Variants in GRK4 observed in about 807,000 individuals in gnomAD.
The protein encoded by GRK4 is G protein-coupled receptor kinase 2-like.
A neutral mutation model predicts 77.9 loss-of-function variants in GRK4; 73 were observed. That is an observed-to-expected ratio of 0.94 (90% confidence interval 0.78 to 1.14). The LOEUF is 1.14. GRK4 is among the 50% of genes most tolerant of loss of function. GRK4 has a pLI of 0.00. For synonymous variants in GRK4, 257 were observed against 254.4 expected, an observed-to-expected ratio of 1.01 and a Z score of -0.10; for missense variants, 729 against 700.2, an observed-to-expected ratio of 1.04 and a Z score of -0.46.
At chr4:3,014,991 G>A (rs890271331) in intron 8 of GRK4, among the ~76,000 whole-genome samples, 2 of 152,184 alleles carry the variant, frequency 1.3e-5, no homozygotes, top group African/African-American at 4.8e-5. Flanking sequence ...TCTGCTTTCC[G>A]TCTTTTCCTT....
At chr4:3,028,120 C>T (rs559607520) in intron 11 of GRK4, 119 bp downstream of exon 11, 37 of 798,390 alleles carry the variant, frequency 4.6e-5, no homozygotes, top group Admixed American at 1.5e-4. Flanking sequence ...TAGTAGATGG[C>T]GCAGTGGTGT....
At chr4:3,011,361 G>A (rs1732865388) in intron 7 of GRK4, among the ~76,000 whole-genome samples, 1 of 152,126 alleles carries the variant, frequency 6.6e-6, no homozygotes, top group Admixed American at 6.5e-5. Flanking sequence ...TAGGCAGATC[G>A]CTTGAGCCCA....
chr4:2,964,206 C>T (rs1275716002), intron 1 of GRK4, 84 bp downstream of exon 1: 6 of 1,181,116 alleles, frequency 5.1e-6, no homozygotes, highest in Non-Finnish European at 7.3e-6. Context: ...AGGAACCCGA[C>T]ATCCCCGGAG....
intron 10 of GRK4, among the ~76,000 whole-genome samples, chr4:3,027,334 A>C (rs1205777799): frequency 1.3e-5 from 2 of 152,254 alleles, no homozygotes; most frequent in African/African-American, 4.8e-5. Flanking sequence ...GGTGTGAACC[A>C]CCGTGTCTGG....
intron 14 of GRK4, among the ~76,000 whole-genome samples, chr4:3,038,130 G>C (rs1741346309): frequency 6.6e-6 from 1 of 152,182 alleles, no homozygotes; most frequent in African/African-American, 2.4e-5. Context: ...TGGCAGCCAG[G>C]GTTCCCATGG....
At chr4:2,995,572 T>C (rs1727609000) in intron 4 of GRK4, among the ~76,000 whole-genome samples, 1 of 150,746 alleles carries the variant, frequency 6.6e-6, no homozygotes, top group Admixed American at 6.6e-5. Flanking sequence ...TCCCAGCTCC[T>C]TGGGAGGCTG....
intron 1 of GRK4, among the ~76,000 whole-genome samples, chr4:2,969,841 A>G (rs1368962063): frequency 1.3e-5 from 2 of 151,860 alleles, no homozygotes; most frequent in South Asian, 2.1e-4. Context: ...CCATGCACAG[A>G]TAATTTTGTG....
intron 1 of GRK4, chr4:2,966,485 G>A (rs1389009834): frequency 6.6e-6 from 1 of 152,116 alleles, no homozygotes; most frequent in Non-Finnish European, 1.5e-5. Flanking sequence ...GTGTGATTAT[G>A]AGGCCTGTCC....
At chr4:3,031,334 A>T (rs962767068) in intron 12 of GRK4, among the ~76,000 whole-genome samples, 3 of 152,080 alleles carry the variant, frequency 2.0e-5, no homozygotes, top group Non-Finnish European at 4.4e-5. Flanking sequence ...AGGTGTGAGG[A>T]AAGGGGAGGC....
intron 1 of GRK4, among the ~76,000 whole-genome samples, chr4:2,967,982 G>A (rs1718297300): frequency 6.6e-6 from 1 of 151,346 alleles, no homozygotes; most frequent in Non-Finnish European, 1.5e-5. Context: ...TAGAGACGGG[G>A]GTTTCTCCAT....
chr4:2,993,564 A>T (rs2515939), intron 4 of GRK4, among the ~76,000 whole-genome samples: 1 of 151,582 alleles, frequency 6.6e-6, no homozygotes, highest in Non-Finnish European at 1.5e-5. Context: ...ATCCCAGCTA[A>T]TAGGGAGGCT....
chr4:3,035,063 G>T (rs1740213069), intron 12 of GRK4, among the ~76,000 whole-genome samples: 1 of 151,936 alleles, frequency 6.6e-6, no homozygotes, highest in Admixed American at 6.6e-5. Flanking sequence ...GGAGACCACG[G>T]TGAAACCCCG....
intron 9 of GRK4, 106 bp downstream of exon 9, chr4:3,019,937 T>A: frequency 9.4e-7 from 1 of 1,066,482 alleles, no homozygotes. Context: ...GGCAGGAGAA[T>A]AGCTGGGAGG....
chr4:3,007,968 A>G (rs1312981140), intron 6 of GRK4, 140 bp downstream of exon 6: 1 of 541,618 alleles, frequency 1.8e-6, no homozygotes, highest in Non-Finnish European at 3.3e-6. Flanking sequence ...AAGCCTGTGA[A>G]TAGCCACTGC....
chr4:2,996,837 T>C (rs569794103), intron 4 of GRK4, among the ~76,000 whole-genome samples: 1 of 152,100 alleles, frequency 6.6e-6, no homozygotes, highest in East Asian at 1.9e-4. Flanking sequence ...TAAAAAGCAA[T>C]GATTCACGTC....
Position 3,009,665 on chromosome 4 carries a change from A to T in GRK4, c.554A>T (p.Asn185Ile). The change falls in exon 7 of 16, where the codon AAC becomes ATC. Residue 185 changes from asparagine to isoleucine, a missense_variant. Asn to Ile is a moderately radical substitution (Grantham distance 149). Coordinates refer to ENST00000398052, the MANE Select transcript of GRK4 (RefSeq NM_182982.3). Reference sequence around the variant, plus strand: ...TTGATTAGGCAACCCGTAACAAAGAACACATTTAGACATTACAGAGTTCTA... The same window carrying T: ...TTGATTAGGCAACCCGTAACAAAGATCACATTTAGACATTACAGAGTTCTA... ...KWLERQPVTKNTFRHYRVLGK... is the reference protein window; with the variant it reads ...KWLERQPVTKITFRHYRVLGK... The T allele has an allele frequency of 1.2e-6, 2 of 1,613,762 alleles. No individual in the cohort carries two copies. The highest frequency in any genetic ancestry group is 2.2e-5 in the East Asian group (1 of 44,882).
At chr4:3,034,487 G>A in intron 12 of GRK4, among the ~76,000 whole-genome samples, 1 of 152,144 alleles carries the variant, frequency 6.6e-6, no homozygotes, top group East Asian at 1.9e-4. Flanking sequence ...CTGGACTGTG[G>A]TTTCCCAAGC....
At chr4:2,999,986 A>G (rs1729053430) in intron 4 of GRK4, among the ~76,000 whole-genome samples, 1 of 152,246 alleles carries the variant, frequency 6.6e-6, no homozygotes, top group Non-Finnish European at 1.5e-5. Flanking sequence ...TTTTCAACAC[A>G]GAAAAAGAAG....
rs1716426548 is a variant in GRK4, at chr4:2,963,710, C to T, written c.-361C>T. 1 of 391,126 alleles carries T rather than the reference C, an allele frequency of 2.6e-6. No individual in the cohort carries two copies. The highest frequency in any genetic ancestry group is 4.6e-6 in the Non-Finnish European group (1 of 219,210). 24.2% of individuals were successfully genotyped at this position (391,126 alleles called of 1,614,324 possible). A position where few individuals can be genotyped will look rare whatever the true frequency, so the allele number is the denominator to read the frequency against. On this transcript the variant is annotated 5_prime_UTR_variant, in exon 1 of 16. Coordinates refer to ENST00000398052, the MANE Select transcript of GRK4 (RefSeq NM_182982.3). ...TGTCCGAAGTGAGCCACGGCATTGA[C>T]TCGGGGCTGCCCGGGGGCAGGGCAC... is the stretch of plus-strand genomic sequence containing the variant.
Sources: allele counts gnomAD v4.1 joint callset (sites outside exome capture counted in the v4.1 genomes callset), GRCh38; gene constraint gnomAD v4.1.1; transcripts MANE v1.5; gene names NCBI Gene and HGNC (gene_info 2026-07-23, HGNC 2026-07-21).